HERC3: variants seen among roughly 807,000 people sequenced by gnomAD.
HERC3 encodes probable E3 ubiquitin-protein ligase HERC3.
HERC3 carries 58 observed loss-of-function variants against 129.9 expected under a neutral mutation model. The observed-to-expected ratio is 0.45, with a 90% CI of 0.36 to 0.56. The LOEUF is 0.56. Ranked by LOEUF, HERC3 falls within the 20% of genes least tolerant of loss-of-function variation. HERC3 has a pLI of 0.00. For synonymous variants in HERC3, 430 were observed against 451.0 expected (o/e 0.95, Z 0.59); for missense variants, 835 against 1,244.2 (o/e 0.67, Z 4.95).
intron 25 of HERC3, 38 bp from the exon 26 acceptor site, chr4:88,706,714 T>C: frequency 6.4e-7 from 1 of 1,571,348 alleles, no homozygotes; most frequent in Non-Finnish European, 8.7e-7. Context: ...CCATTTTCCG[T>C]TTGCTTAGCT....
At chr4:88,597,713 G>T (rs1275387619) in intron 2 of HERC3, among the ~76,000 whole-genome samples, 1 of 152,206 alleles carries the variant, frequency 6.6e-6, no homozygotes, top group African/African-American at 2.4e-5. Context: ...CTAGCACCAG[G>T]TAGTGAAGAA....
At chr4:88,692,714 A>C (rs930583993) in intron 23 of HERC3, among the ~76,000 whole-genome samples, 22 of 152,174 alleles carry the variant, frequency 1.4e-4, no homozygotes, top group Admixed American at 1.4e-3. Context: ...ACTGAGGAGG[A>C]AACTGAGGCA....
chr4:88,587,500 G>A (rs200755886), upstream of HERC3, among the ~76,000 whole-genome samples: 6 of 152,188 alleles, frequency 3.9e-5, no homozygotes, highest in East Asian at 3.8e-4. Flanking sequence ...AACATATTAC[G>A]TAATAACAAC....
At chr4:88,640,478 A>G (rs1727961127) in intron 3 of HERC3, among the ~76,000 whole-genome samples, 1 of 152,224 alleles carries the variant, frequency 6.6e-6, no homozygotes, top group African/African-American at 2.4e-5. Flanking sequence ...ACAGAAACAG[A>G]AAACCAAACA....
intron 3 of HERC3, among the ~76,000 whole-genome samples, chr4:88,643,675 T>C (rs535600648): frequency 1.3e-5 from 2 of 152,298 alleles, no homozygotes; most frequent in South Asian, 4.1e-4. Flanking sequence ...AGTGGAACAC[T>C]TGGACATTCA....
chr4:88,587,291 G>T, the HERC3 span, among the ~76,000 whole-genome samples: 1 of 152,304 alleles, frequency 6.6e-6, no homozygotes, highest in East Asian at 1.9e-4. Context: ...TCTGAGGTAT[G>T]CTAAAGGTAC....
At chr4:88,590,961 C>T (rs1269080905), upstream of HERC3, among the ~76,000 whole-genome samples, 1 of 150,214 alleles carries the variant, frequency 6.7e-6, no homozygotes, top group Non-Finnish European at 1.5e-5. Context: ...TTGATTTCAG[C>T]TTACTGCAAC....
chr4:88,654,772 A>C (rs1729704988), intron 7 of HERC3, among the ~76,000 whole-genome samples: 1 of 152,126 alleles, frequency 6.6e-6, no homozygotes, highest in Admixed American at 6.5e-5. Context: ...ATTTAAATAC[A>C]GCTGTTAAAA....
intron 7 of HERC3, 123 bp from the exon 8 acceptor site, chr4:88,655,051 G>A (rs1488224352): frequency 1.3e-6 from 1 of 790,514 alleles, no homozygotes; most frequent in Non-Finnish European, 1.9e-6. Flanking sequence ...AAGTGATTTT[G>A]GCCAAGTGTC....
At chr4:88,692,451 C>T (rs775514482) in intron 23 of HERC3, among the ~76,000 whole-genome samples, 8 of 152,108 alleles carry the variant, frequency 5.3e-5, no homozygotes, top group Non-Finnish European at 7.4e-5. Context: ...ATCTAGATTC[C>T]GTAGTGAGAA....
the HERC3 span, among the ~76,000 whole-genome samples, chr4:88,548,288 C>T: frequency 2.0e-5 from 3 of 152,104 alleles, no homozygotes; most frequent in Non-Finnish European, 2.9e-5. Flanking sequence ...TTTTCCAAAG[C>T]GGCTGCACCA....
chr4:88,679,059 CA>C (rs1732471514), intron 19 of HERC3, among the ~76,000 whole-genome samples: 1 of 152,204 alleles, frequency 6.6e-6, no homozygotes, highest in Admixed American at 6.5e-5. Flanking sequence ...AAGACAGCCA[CA>C]AGTGTAAGCT....
chr4:88,535,042 T>C, the HERC3 span, among the ~76,000 whole-genome samples: 2 of 152,236 alleles, frequency 1.3e-5, no homozygotes, highest in African/African-American at 4.8e-5. Flanking sequence ...TCTCCAGTGA[T>C]GTAGCTAACA....
intron 4 of HERC3, 99 bp downstream of exon 4, chr4:88,650,098 A>G (rs747572379): frequency 8.7e-6 from 11 of 1,266,316 alleles, no homozygotes; most frequent in Admixed American, 2.1e-5. Flanking sequence ...TTTAATTGCT[A>G]TTTCCTTTGC....
At chr4:88,702,806 A>C (rs10032517) in intron 23 of HERC3, among the ~76,000 whole-genome samples, 27,416 of 152,160 alleles carry the variant, frequency 0.18, 2,607 homozygotes, top group East Asian at 0.24. Flanking sequence ...CTAGATATTG[A>C]CAGAATTTCC....
At chr4:88,648,713 A>G (rs1398368603) in intron 3 of HERC3, among the ~76,000 whole-genome samples, 5 of 151,802 alleles carry the variant, frequency 3.3e-5, no homozygotes, top group Non-Finnish European at 7.4e-5. Context: ...TTCAGTGTGA[A>G]ATTTTCTTGT....
chr4:88,532,200 T>A, the HERC3 span, among the ~76,000 whole-genome samples: 1 of 152,208 alleles, frequency 6.6e-6, no homozygotes, highest in Non-Finnish European at 1.5e-5. Context: ...TAGATATATT[T>A]ATAAAACAGG....
intron 1 of HERC3, 139 bp from the exon 2 acceptor site, chr4:88,595,418 T>C (rs1438590340): frequency 3.3e-5 from 5 of 152,192 alleles, no homozygotes; most frequent in African/African-American, 1.2e-4. Context: ...TGAGATACAA[T>C]GCGTGGGGAA....
the HERC3 span, among the ~76,000 whole-genome samples, chr4:88,548,570 A>G: frequency 6.6e-6 from 1 of 151,870 alleles, no homozygotes; most frequent in Non-Finnish European, 1.5e-5. Context: ...TTGAGTTCTA[A>G]GAGTTATTAT....
Sources: gnomAD v4.1 joint callset for allele counts (sites outside exome capture counted in the v4.1 genomes callset) on GRCh38, gnomAD v4.1.1 for gene constraint, MANE v1.5 for transcripts, NCBI Gene and HGNC (gene_info 2026-07-23, HGNC 2026-07-21) for gene names.